Variants in CRYL1 observed in about 807,000 individuals in gnomAD.
CRYL1 encodes the protein lambda-crystallin homolog.
A neutral mutation model predicts 36.6 loss-of-function variants in CRYL1; 29 were observed. The ratio of observed to expected loss-of-function variants is 0.79; its 90% CI spans 0.59 to 1.08. The LOEUF is 1.08. Among genes scored for constraint, CRYL1 ranks in the 50% least tolerant of loss-of-function variants. The probability of loss-of-function intolerance (pLI) is 0.00; values close to 1 mark genes in which losing one functional copy is unlikely to be tolerated. For synonymous variants in CRYL1, 152 were observed against 151.5 expected (o/e 1.00, Z -0.02); for missense variants, 411 against 407.9 (o/e 1.01, Z -0.06).
At chr13:20,488,496 T>TA (rs1464031389) in intron 3 of CRYL1, among the ~76,000 whole-genome samples, 1 of 152,336 alleles carries the variant, frequency 6.6e-6, no homozygotes, top group African/African-American at 2.4e-5. Context: ...CATAGAGACC[T>TA]AAAATCTCCA....
In CRYL1 at chr13:20,435,793, C is replaced by T. The variant is rs2032200031; in HGVS notation, c.439-3497G>A. On this transcript the variant is annotated intron_variant, in intron 4 of 7. Transcript: ENST00000298248. The surrounding 1 kb of genome is among the most constrained non-coding windows in gnomAD (Gnocchi z 4.0). ...ACCGCGCCGACAGCGCGGCTGCCCA[C>T]AGAGACTCCCTTCACCCCCGCTCCG... is the stretch of plus-strand genomic sequence containing the variant. 1.3e-5 allele frequency among the ~76,000 whole-genome samples: 2 copies of T among 152,220 alleles called. No individual in the cohort carries two copies. The highest frequency in any genetic ancestry group is 2.1e-4 in the South Asian group (1 of 4,836).
chr13:20,477,116 G>A (rs550917106), intron 3 of CRYL1: 21 of 152,392 alleles, frequency 1.4e-4, no homozygotes, highest in South Asian at 4.1e-4. Context: ...AGCCAAGATC[G>A]TGCCACCGCG....
Position 20,481,637 on chromosome 13 carries a change from G to T in CRYL1, c.276+7733C>A, listed in dbSNP as rs575327931. ...AAGAAAAAAACACGTATGGCCATGCGTGGTGGCTCACTCCTGTAATTCCAG... is the reference window on the plus strand; with the variant it reads ...AAGAAAAAAACACGTATGGCCATGCTTGGTGGCTCACTCCTGTAATTCCAG... On this transcript the variant is annotated intron_variant, in intron 3 of 7. Transcript: ENST00000298248. The surrounding 1 kb of genome is among the most constrained non-coding windows in gnomAD (Gnocchi z 4.1). Among the ~76,000 whole-genome samples, 1 of 152,266 alleles carries T rather than the reference G, an allele frequency of 6.6e-6. No homozygotes were observed. Among genetic ancestry groups the T allele is most frequent in the African/African-American group, 2.4e-5 (1 of 41,542 alleles).
chr13:20,436,297 T>A (rs1209350125), intron 4 of CRYL1, among the ~76,000 whole-genome samples: 1 of 151,986 alleles, frequency 6.6e-6, no homozygotes, highest in Non-Finnish European at 1.5e-5. Flanking sequence ...CAGACTGAAC[T>A]AAGGAAGAGA....
intron 3 of CRYL1, among the ~76,000 whole-genome samples, chr13:20,475,554 T>G (rs541079210): frequency 1.3e-5 from 2 of 151,900 alleles, no homozygotes; most frequent in African/African-American, 4.8e-5. Flanking sequence ...TACGGGGGTG[T>G]CGTGAGGACT....
chr13:20,471,426 C>T (rs1474470135), intron 3 of CRYL1, among the ~76,000 whole-genome samples: 2 of 151,990 alleles, frequency 1.3e-5, no homozygotes, highest in African/African-American at 4.8e-5. Context: ...TAGAGACTGG[C>T]TAACCCATCT....
intron 6 of CRYL1, among the ~76,000 whole-genome samples, chr13:20,409,394 C>T (rs1396621008): frequency 3.4e-5 from 5 of 148,300 alleles, no homozygotes; most frequent in African/African-American, 1.3e-4. Flanking sequence ...TTAACATAAA[C>T]CATTAAAGAC....
intron 3 of CRYL1, among the ~76,000 whole-genome samples, chr13:20,446,721 G>GT (rs71074298): frequency 0.046 from 7,006 of 152,012 alleles, 345 homozygotes; most frequent in Admixed American, 0.16. Flanking sequence ...AATTTTTTTT[G>GT]TTTTTTAAAT....
chr13:20,421,502 C>T (rs1272792122), intron 5 of CRYL1, among the ~76,000 whole-genome samples: 1 of 152,188 alleles, frequency 6.6e-6, no homozygotes, highest in African/African-American at 2.4e-5. Flanking sequence ...CATAGGGCTC[C>T]AGTGGCCTCT....
At chr13:20,489,341 C>T (rs201575268) in intron 3 of CRYL1, 29 bp downstream of exon 3, 2 of 1,611,318 alleles carry the variant, frequency 1.2e-6, no homozygotes, top group Non-Finnish European at 1.7e-6. Context: ...TCAGGCCCCA[C>T]AGATGCGGCG....
At chr13:20,420,703 G>GT (rs2031784049) in intron 5 of CRYL1, among the ~76,000 whole-genome samples, 2 of 38,770 alleles carry the variant, frequency 5.2e-5, no homozygotes, top group Non-Finnish European at 1.0e-4. Context: ...AATAGAGGTT[G>GT]TGTGTGTGTG....
At chr13:20,480,696 A>T (rs2137459963) in intron 3 of CRYL1, among the ~76,000 whole-genome samples, 1 of 152,314 alleles carries the variant, frequency 6.6e-6, no homozygotes, top group East Asian at 1.9e-4. Flanking sequence ...TGCCAGCGCA[A>T]ATCATGCCAA....
At chr13:20,456,075 T>C (rs530135803) in intron 3 of CRYL1, among the ~76,000 whole-genome samples, 23 of 152,328 alleles carry the variant, frequency 1.5e-4, no homozygotes, top group South Asian at 2.1e-4. Context: ...ATATTTTCCA[T>C]GAAATTAATT....
At chr13:20,459,216 A>G (rs1198642114) in intron 3 of CRYL1, among the ~76,000 whole-genome samples, 3 of 146,890 alleles carry the variant, frequency 2.0e-5, no homozygotes, top group East Asian at 4.0e-4. Flanking sequence ...AGCCTGGGCG[A>G]CAGAGCGAGA....
intron 5 of CRYL1, 139 bp downstream of exon 5, chr13:20,431,963 G>A (rs1474442144): frequency 3.2e-6 from 5 of 1,546,612 alleles, no homozygotes; most frequent in African/African-American, 2.7e-5. Flanking sequence ...AATAGAGCAA[G>A]AAGAAGCAAG....
chr13:20,482,142 C>T (rs573596198), intron 3 of CRYL1, among the ~76,000 whole-genome samples: 9 of 152,212 alleles, frequency 5.9e-5, no homozygotes, highest in Non-Finnish European at 1.2e-4. Context: ...ACGCTACTTC[C>T]TGTAATTACT....
intron 5 of CRYL1, chr13:20,431,532 A>AGAAT: frequency 1.0e-6 from 1 of 1,004,730 alleles, no homozygotes; most frequent in Non-Finnish European, 1.2e-6. Flanking sequence ...AATGTACACG[A>AGAAT]GAATGCGTGC....
intron 5 of CRYL1, among the ~76,000 whole-genome samples, chr13:20,421,343 T>C (rs1210981247): frequency 6.6e-6 from 1 of 152,220 alleles, no homozygotes; most frequent in African/African-American, 2.4e-5. Flanking sequence ...GATACTTTAA[T>C]TGAGGGGTCC....
At chr13:20,477,817 A>G in intron 3 of CRYL1, among the ~76,000 whole-genome samples, 1 of 146,008 alleles carries the variant, frequency 6.8e-6, no homozygotes, top group Middle Eastern at 3.6e-3. Flanking sequence ...TCTATTATAT[A>G]TTATACTAAA....
Sources: allele counts gnomAD v4.1 joint callset (sites outside exome capture counted in the v4.1 genomes callset), GRCh38; gene constraint gnomAD v4.1.1; non-coding constraint Gnocchi (gnomAD v3.1); transcripts MANE v1.5; gene names NCBI Gene and HGNC (gene_info 2026-07-23, HGNC 2026-07-21).